The following HYCC1 variants were observed in gnomAD, a reference collection of about 807,000 sequenced individuals.
The protein encoded by HYCC1 is hyccin PI4KA lipid kinase complex subunit 1.
the HYCC1 span, among the ~76,000 whole-genome samples, chr7:22,966,988 A>G: frequency 6.6e-6 from 1 of 152,250 alleles, no homozygotes; most frequent in Non-Finnish European, 1.5e-5. Context: ...GAAGCAAACA[A>G]AAAATTTTAC....
the HYCC1 span, chr7:22,940,236 G>GTTTTTTTTT: frequency 2.6e-3 from 225 of 87,166 alleles, 20 homozygotes; most frequent in African/African-American, 6.4e-3. Context: ...AATAGGTTCT[G>GTTTTTTTTT]TTTTTTTTTT....
chr7:22,995,557 T>A, the HYCC1 span, among the ~76,000 whole-genome samples: 1 of 152,108 alleles, frequency 6.6e-6, no homozygotes, highest in Non-Finnish European at 1.5e-5. Flanking sequence ...GAACACCCAA[T>A]GGCCAAAGCT....
At chr7:22,941,923 A>G in the HYCC1 span, 2 of 152,180 alleles carry the variant, frequency 1.3e-5, no homozygotes, top group Middle Eastern at 3.2e-3. Context: ...AGTACCCATC[A>G]AATTATTTTT....
chr7:23,000,208 A>C, the HYCC1 span, among the ~76,000 whole-genome samples: 1 of 152,070 alleles, frequency 6.6e-6, no homozygotes. Flanking sequence ...AATACTGTTA[A>C]CTTTATATTA....
At chr7:22,976,826 G>C in the HYCC1 span, 1 of 1,462,054 alleles carries the variant, frequency 6.8e-7, no homozygotes, top group East Asian at 2.3e-5. Context: ...AAAGACATTT[G>C]AATAAAGAAA....
chr7:22,965,812 G>A, the HYCC1 span, among the ~76,000 whole-genome samples: 1 of 151,852 alleles, frequency 6.6e-6, no homozygotes, highest in Non-Finnish European at 1.5e-5. Flanking sequence ...TTGAGATGGG[G>A]TCTTGCTATG....
chr7:22,896,375 A>T, the HYCC1 span, among the ~76,000 whole-genome samples: 1 of 152,232 alleles, frequency 6.6e-6, no homozygotes, highest in Non-Finnish European at 1.5e-5. Flanking sequence ...AGCTAATCCT[A>T]AATTAATTCA....
At chr7:22,923,127 T>A in the HYCC1 span, among the ~76,000 whole-genome samples, 1 of 152,166 alleles carries the variant, frequency 6.6e-6, no homozygotes, top group Non-Finnish European at 1.5e-5. Context: ...TAAGTGTGCA[T>A]GAAACCATCT....
At chr7:22,967,917 G>A in the HYCC1 span, among the ~76,000 whole-genome samples, 2 of 152,098 alleles carry the variant, frequency 1.3e-5, no homozygotes, top group Non-Finnish European at 2.9e-5. Context: ...TATCAATTTT[G>A]TCTGCCATGC....
chr7:22,991,502 A>G, the HYCC1 span, among the ~76,000 whole-genome samples: 1 of 152,160 alleles, frequency 6.6e-6, no homozygotes, highest in Non-Finnish European at 1.5e-5. Flanking sequence ...ATATAAGAAG[A>G]CACGCATCCA....
chr7:22,959,453 T>C, the HYCC1 span, among the ~76,000 whole-genome samples: 5,146 of 152,238 alleles, frequency 0.034, 126 homozygotes, highest in Non-Finnish European at 0.047. Flanking sequence ...GGATTTTGTT[T>C]TACCTCTAAT....
At chr7:22,918,307 C>T in the HYCC1 span, among the ~76,000 whole-genome samples, 1 of 152,088 alleles carries the variant, frequency 6.6e-6, no homozygotes, top group African/African-American at 2.4e-5. Flanking sequence ...ATATCCAGGC[C>T]ATCACTAATC....
the HYCC1 span, among the ~76,000 whole-genome samples, chr7:23,013,499 G>C: frequency 6.6e-6 from 1 of 152,202 alleles, no homozygotes; most frequent in Non-Finnish European, 1.5e-5. Context: ...CATCCGCCGC[G>C]GCAGGGAGGG....
the HYCC1 span, among the ~76,000 whole-genome samples, chr7:22,921,248 G>A: frequency 6.6e-6 from 1 of 152,070 alleles, no homozygotes. Context: ...GTATTCTTGG[G>A]CCTAAAACAT....
chr7:22,906,853 G>C, the HYCC1 span, among the ~76,000 whole-genome samples: 1 of 151,886 alleles, frequency 6.6e-6, no homozygotes, highest in African/African-American at 2.4e-5. Context: ...GTACAATCTA[G>C]GGCACAATTA....
chr7:23,001,290 T>C, the HYCC1 span, among the ~76,000 whole-genome samples: 51 of 152,112 alleles, frequency 3.4e-4, no homozygotes, highest in Non-Finnish European at 4.3e-4. Flanking sequence ...AGCTAACACT[T>C]AAAGAAGTAA....
At chr7:23,013,473 G>T in the HYCC1 span, among the ~76,000 whole-genome samples, 3 of 152,218 alleles carry the variant, frequency 2.0e-5, no homozygotes, top group Non-Finnish European at 4.4e-5. Context: ...AGTGGGAGAG[G>T]AGGCAGAGGC....
the HYCC1 span, among the ~76,000 whole-genome samples, chr7:22,998,012 C>T: frequency 2.0e-5 from 3 of 149,764 alleles, no homozygotes; most frequent in African/African-American, 7.7e-5. Context: ...GTTCTTTCTT[C>T]TCATTTCCCA....
the HYCC1 span, among the ~76,000 whole-genome samples, chr7:22,907,739 G>A: frequency 2.0e-5 from 3 of 151,914 alleles, no homozygotes; most frequent in South Asian, 2.1e-4. Context: ...GTGAAACCCC[G>A]TCTCTACTAA....
Sources: allele counts gnomAD v4.1 joint callset (sites outside exome capture counted in the v4.1 genomes callset), GRCh38; gene constraint gnomAD v4.1.1; transcripts MANE v1.5; gene names NCBI Gene and HGNC (gene_info 2026-07-23, HGNC 2026-07-21).